ZFYVE16: variants seen among roughly 807,000 people sequenced by gnomAD.
The protein encoded by ZFYVE16 is zinc finger FYVE-type containing 16, also known as zinc finger FYVE domain-containing protein 16.
ZFYVE16 carries 89 observed loss-of-function variants against 138.1 expected under a neutral mutation model. The observed-to-expected ratio is 0.64, with a 90% CI of 0.54 to 0.77. The LOEUF (loss-of-function observed/expected upper bound fraction) is 0.77. Ranked by LOEUF, ZFYVE16 falls within the 30% of genes least tolerant of loss-of-function variation. The probability of loss-of-function intolerance (pLI) is 0.00; values close to 1 mark genes in which losing one functional copy is unlikely to be tolerated. For missense variants in ZFYVE16, 1,793 were observed against 1,786.7 expected (o/e 1.00, Z -0.06); for synonymous variants, 596 against 618.3 (o/e 0.96, Z 0.53).
chr5:80,419,077 T>G (rs80201794), intron 1 of ZFYVE16, among the ~76,000 whole-genome samples: 7,504 of 150,354 alleles, frequency 0.05, 271 homozygotes, highest in African/African-American at 0.1. Context: ...TTTTTTTTTT[T>G]GGGGGGTCTT....
At chr5:80,451,902 TA>T in intron 11 of ZFYVE16, 193 bp downstream of exon 11, 1 of 521,664 alleles carries the variant, frequency 1.9e-6, no homozygotes. Context: ...TTCAAGTTTC[TA>T]GATGTTCATA....
intron 16 of ZFYVE16, among the ~76,000 whole-genome samples, 171 bp from the exon 17 acceptor site, chr5:80,473,583 C>CA (rs1185812626): frequency 6.6e-6 from 1 of 152,146 alleles, no homozygotes; most frequent in Admixed American, 6.5e-5. Context: ...GATTACTACA[C>CA]AATCAAGAAA....
At position 80,437,017 on chromosome 5, in the gene ZFYVE16, C is replaced by G. The variant is rs1255823480; in HGVS notation, c.332C>G (p.Ser111Ter). 2.5e-6 allele frequency: 4 copies of G among 1,614,152 alleles called. No individual in the cohort carries two copies. The highest frequency in any genetic ancestry group is 3.4e-6 in the Non-Finnish European group (4 of 1,180,022). The change falls in exon 4 of 19, where the codon TCA becomes TGA. Residue 111 changes from serine (S) to a stop codon, truncating the protein, a stop_gained. Transcript: ENST00000505560. LOFTEE classifies it high-confidence loss of function. ...DLLSSVDGGT[S>*]DEIQPLYMGR... is the part of the protein sequence containing the mutation. ...CTTTCTTCTGTGGATGGTGGTACTT[C>G]AGATGAAATCCAGCCGTTATATATG...
chr5:80,424,108 G>A (rs1234516633), intron 1 of ZFYVE16, among the ~76,000 whole-genome samples: 2 of 150,810 alleles, frequency 1.3e-5, no homozygotes, highest in Non-Finnish European at 3.0e-5. Context: ...ACCATGCCCA[G>A]CTAATTTTTG....
intron 1 of ZFYVE16, among the ~76,000 whole-genome samples, chr5:80,423,188 T>C (rs1218330961): frequency 2.6e-5 from 4 of 152,216 alleles, no homozygotes; most frequent in Admixed American, 2.0e-4. Context: ...ATTAATTATT[T>C]ATTTAATTTT....
At chr5:80,411,040 C>T (rs542011983) in intron 1 of ZFYVE16, among the ~76,000 whole-genome samples, 1 of 151,594 alleles carries the variant, frequency 6.6e-6, no homozygotes, top group African/African-American at 2.4e-5. Flanking sequence ...CATCTCGGCT[C>T]ACTGCAACCT....
At position 80,448,051 on chromosome 5, in the gene ZFYVE16, A is replaced by G. The variant is rs756577620; in HGVS notation, c.2750A>G (p.His917Arg). 1.2e-6 allele frequency: 2 copies of G among 1,609,386 alleles called. No homozygotes were observed. Among genetic ancestry groups the G allele is most frequent in the Admixed American group, 1.7e-5 (1 of 59,344 alleles). Reference sequence around the variant, plus strand: ...ACAGTAAACACAGTGGATCATTCCCATTCTACTACAGTGGAAAAGCCAAAC... The same window carrying G: ...ACAGTAAACACAGTGGATCATTCCCGTTCTACTACAGTGGAAAAGCCAAAC... ...PMTVNTVDHS[H>R]STTVEKPNNE... is the part of the protein sequence containing the mutation. The change falls in exon 8 of 19, where the codon CAT becomes CGT. Residue 917 changes from histidine (H) to arginine (R), a missense_variant. Transcript: ENST00000505560.
intron 4 of ZFYVE16, 133 bp from the exon 5 acceptor site, chr5:80,439,802 TG>T: frequency 2.0e-6 from 1 of 496,412 alleles, no homozygotes; most frequent in Non-Finnish European, 3.4e-6. Flanking sequence ...CCTATGATTA[TG>T]GTGATTAGGA....
At chr5:80,445,440 CAA>C (rs1751212229) in intron 7 of ZFYVE16, 35 bp downstream of exon 7, 1 of 1,558,646 alleles carries the variant, frequency 6.4e-7, no homozygotes, top group African/African-American at 1.4e-5. Context: ...ATTGACTAAA[CAA>C]AATTTTATTT....
chr5:80,469,655 AGT>A (rs1561331937), intron 15 of ZFYVE16, among the ~76,000 whole-genome samples: 1 of 150,858 alleles, frequency 6.6e-6, no homozygotes, highest in African/African-American at 2.4e-5. Context: ...TGTGTGTGTG[AGT>A]GTGTGTACAC....
intron 14 of ZFYVE16, among the ~76,000 whole-genome samples, chr5:80,458,668 TGAATA>T (rs1752783913): frequency 6.6e-6 from 1 of 152,222 alleles, no homozygotes; most frequent in Admixed American, 6.5e-5. Flanking sequence ...AATGCTACAG[TGAATA>T]GTTTTGTATA....
intron 1 of ZFYVE16, among the ~76,000 whole-genome samples, chr5:80,411,445 T>C (rs903321216): frequency 2.0e-5 from 3 of 152,190 alleles, no homozygotes; most frequent in Non-Finnish European, 2.9e-5. Flanking sequence ...TTACAACTTA[T>C]TTGTAAAAAT....
intron 3 of ZFYVE16, among the ~76,000 whole-genome samples, 153 bp from the exon 4 acceptor site, chr5:80,436,603 A>G (rs1412249171): frequency 2.6e-5 from 4 of 152,258 alleles, no homozygotes; most frequent in Admixed American, 2.0e-4. Flanking sequence ...AGGAAATACA[A>G]AAATAGTTTT....
At chr5:80,435,575 T>G (rs1173275963) in intron 3 of ZFYVE16, among the ~76,000 whole-genome samples, 1 of 152,092 alleles carries the variant, frequency 6.6e-6, no homozygotes, top group African/African-American at 2.4e-5. Flanking sequence ...ACTAAGTTTC[T>G]TTTTTTTCTA....
chr5:80,436,510 C>T (rs1295913682), intron 3 of ZFYVE16, among the ~76,000 whole-genome samples: 1 of 152,162 alleles, frequency 6.6e-6, no homozygotes, highest in African/African-American at 2.4e-5. Flanking sequence ...AAGGTCCCTG[C>T]ACTTGTGACA....
In ZFYVE16 at chr5:80,431,289, C is replaced by T. The variant is rs1251274911; in HGVS notation, c.-39-2820C>T. On this transcript the variant is annotated intron_variant, in intron 2 of 18. Transcript: ENST00000505560. Reference sequence around the variant, plus strand: ...GGATGCAAGGCTGGTTCAACATATGCAGATCAATAAACGTAATCCAGCATA... The same window carrying T: ...GGATGCAAGGCTGGTTCAACATATGTAGATCAATAAACGTAATCCAGCATA... Among the ~76,000 whole-genome samples the T allele has an allele frequency of 3.9e-5, 6 of 152,096 alleles. No individual in the cohort carries two copies. In the East Asian group the frequency reaches 1.2e-3, roughly 29 times the overall value.
chr5:80,480,255 A>AAGTT lies in ZFYVE16; in HGVS notation c.*2879_*2882dup, dbSNP rs1163180387. Among the ~76,000 whole-genome samples, 1 of 152,190 alleles carries AAGTT rather than the reference A, an allele frequency of 6.6e-6. No homozygotes were observed. ...AGGAAATGGGAAACTATACGATAAA[A>AAGTT]AGTTGTGGAGCTAATCTGGAAAAGA... On this transcript the variant is annotated 3_prime_UTR_variant, in exon 19 of 19. Coordinates refer to ENST00000505560, the MANE Select transcript of ZFYVE16 (RefSeq NM_001284236.3).
At chr5:80,417,006 G>A (rs1746354764) in intron 1 of ZFYVE16, among the ~76,000 whole-genome samples, 1 of 152,024 alleles carries the variant, frequency 6.6e-6, no homozygotes, top group African/African-American at 2.4e-5. Context: ...AATTTATATT[G>A]ATGTCTTCAG....
chr5:80,432,316 C>T (rs1055242883), intron 2 of ZFYVE16, among the ~76,000 whole-genome samples: 4 of 152,036 alleles, frequency 2.6e-5, no homozygotes, highest in African/African-American at 4.8e-5. Flanking sequence ...ACAAACCTGA[C>T]AAAAACAAGA....
Sources: gnomAD v4.1 joint callset for allele counts (sites outside exome capture counted in the v4.1 genomes callset) on GRCh38, gnomAD v4.1.1 for gene constraint, MANE v1.5 for transcripts, NCBI Gene and HGNC (gene_info 2026-07-23, HGNC 2026-07-21) for gene names.